The following USP32 variants were observed in gnomAD, a reference collection of about 807,000 sequenced individuals.
The protein encoded by USP32 is ubiquitin specific peptidase 32.
Under a neutral mutation model 204.8 loss-of-function variants are expected in USP32, and 59 were observed. The observed-to-expected ratio is 0.29, with a 90% CI of 0.23 to 0.36. The LOEUF is 0.36. Among genes scored for constraint, USP32 ranks in the 10% least tolerant of loss-of-function variants. The probability of loss-of-function intolerance (pLI) is 1.00; values close to 1 mark genes in which losing one functional copy is unlikely to be tolerated. For missense variants in USP32, 1,160 were observed against 1,946.4 expected (o/e 0.60, Z 7.60); for synonymous variants, 517 against 678.4 (o/e 0.76, Z 3.70).
At chr17:60,403,394 A>G (rs1344058001) in intron 1 of USP32, among the ~76,000 whole-genome samples, 1 of 152,190 alleles carries the variant, frequency 6.6e-6, no homozygotes, top group Non-Finnish European at 1.5e-5. Flanking sequence ...GTAGCCACAA[A>G]GTTCTGCCCA....
chr17:60,371,224 C>A (rs2146086796), intron 1 of USP32, among the ~76,000 whole-genome samples: 2 of 129,190 alleles, frequency 1.5e-5, no homozygotes, highest in African/African-American at 3.0e-5. Flanking sequence ...TCAGCCTGAG[C>A]AACAGGGGAA....
intron 17 of USP32, among the ~76,000 whole-genome samples, chr17:60,213,933 GTTTTGTT>G (rs1168178127): frequency 6.6e-6 from 1 of 150,646 alleles, no homozygotes; most frequent in Non-Finnish European, 1.5e-5. Flanking sequence ...ACATGAATAC[GTTTTGTT>G]TTTTGTTTTT....
intron 2 of USP32, among the ~76,000 whole-genome samples, chr17:60,324,209 G>A (rs1281441377): frequency 6.6e-6 from 1 of 151,860 alleles, no homozygotes; most frequent in Non-Finnish European, 1.5e-5. Context: ...TTGAACCCAG[G>A]AGTTCGAGGT....
At chr17:60,200,057 G>A (rs1249008386) in intron 26 of USP32, among the ~76,000 whole-genome samples, 1 of 152,086 alleles carries the variant, frequency 6.6e-6, no homozygotes, top group Non-Finnish European at 1.5e-5. Context: ...ATCTGGGCAT[G>A]GTGGCAGGCA....
At chr17:60,197,540 G>A (rs894556973) in intron 27 of USP32, among the ~76,000 whole-genome samples, 3 of 152,210 alleles carry the variant, frequency 2.0e-5, no homozygotes, top group African/African-American at 7.2e-5. Flanking sequence ...GGAGGTGGAG[G>A]CTGCAGTAAG....
At chr17:60,208,379 GTGAAATCAGTATTTTTTTGGTGTTCATC>G (rs757735118) in intron 23 of USP32, among the ~76,000 whole-genome samples, 169 bp from the exon 24 acceptor site, 50 of 152,106 alleles carry the variant, frequency 3.3e-4, no homozygotes, top group Non-Finnish European at 3.7e-4. Context: ...ATAATATTAA[GTGAAATCAGTATTTTTTTGGTGTTCATC>G]TGACATAAAA....
chr17:60,277,497 A>G (rs993047912), intron 5 of USP32, among the ~76,000 whole-genome samples: 1 of 152,226 alleles, frequency 6.6e-6, no homozygotes, highest in African/African-American at 2.4e-5. Flanking sequence ...TAGGCAGTTC[A>G]TGGTCTAAGA....
intron 1 of USP32, among the ~76,000 whole-genome samples, chr17:60,370,723 C>CT (rs1408946425): frequency 6.9e-6 from 1 of 144,532 alleles, no homozygotes; most frequent in Non-Finnish European, 1.5e-5. Flanking sequence ...GATCACACCA[C>CT]TATACTCCAG....
intron 1 of USP32, among the ~76,000 whole-genome samples, chr17:60,386,096 C>T (rs542869802): frequency 3.3e-5 from 5 of 152,044 alleles, no homozygotes; most frequent in African/African-American, 1.2e-4. Context: ...CTAGTTTTTA[C>T]CAGGCTTTTG....
intron 16 of USP32, among the ~76,000 whole-genome samples, chr17:60,218,430 GA>G (rs2085160750): frequency 6.6e-6 from 1 of 152,028 alleles, no homozygotes; most frequent in African/African-American, 2.4e-5. Flanking sequence ...TATATTAAAT[GA>G]ATATAACCTT....
At chr17:60,288,113 CAAAAAAAAAAAAA>C (rs1045323566) in intron 5 of USP32, among the ~76,000 whole-genome samples, 54 of 29,454 alleles carry the variant, frequency 1.8e-3, no homozygotes, top group African/African-American at 3.4e-3. Context: ...GACTTCGTCT[CAAAAAAAAAAAAA>C]AAAAAAAAAA....
At chr17:60,374,154 A>C (rs1273655886) in intron 1 of USP32, among the ~76,000 whole-genome samples, 1 of 151,990 alleles carries the variant, frequency 6.6e-6, no homozygotes, top group Non-Finnish European at 1.5e-5. Context: ...ACTGCACTCT[A>C]GCCTCAGGGA....
chr17:60,190,594 A>G lies in USP32; in HGVS notation c.3611T>C (p.Leu1204Pro). 6.3e-7 allele frequency: 1 copy of G among 1,595,828 alleles called. No homozygotes were observed. Among genetic ancestry groups the G allele is most frequent in the Non-Finnish European group, 8.5e-7 (1 of 1,174,832 alleles). The change falls in exon 29 of 34, where the codon CTT (leucine) becomes CCT (proline). Residue 1204 changes from leucine to proline, a missense_variant. Physicochemically the swap from Leu to Pro is moderately conservative, Grantham distance 98 (BLOSUM62 -3). Transcript: ENST00000300896. ...YIAVDWDPTA[L>P]HLRYQTSQER... ...CTGGGATGTTTGATAGCGAAGGTGAAGGGCTGTGGGATCCCAATCCACAGC... is the reference window on the plus strand; with the variant it reads ...CTGGGATGTTTGATAGCGAAGGTGAGGGGCTGTGGGATCCCAATCCACAGC...
intron 16 of USP32, among the ~76,000 whole-genome samples, chr17:60,218,876 G>A (rs1051640369): frequency 2.6e-5 from 4 of 152,216 alleles, no homozygotes; most frequent in Admixed American, 6.5e-5. Context: ...TTACAGGCAT[G>A]AGCCACTGTG....
chr17:60,242,319 T>G (rs933317409), intron 11 of USP32, among the ~76,000 whole-genome samples: 2 of 152,218 alleles, frequency 1.3e-5, no homozygotes, highest in Admixed American at 1.3e-4. Context: ...TTTTTCTTTT[T>G]AAAGTCAGTC....
In USP32 at chr17:60,272,290, A is replaced by G. The variant is rs902184177; in HGVS notation, c.572-809T>C. Among the ~76,000 whole-genome samples the G allele has an allele frequency of 3.3e-5, 5 of 152,228 alleles. No homozygotes were observed. The South Asian group carries it at 8.3e-4, about 25-fold the overall frequency. ...ATAAATGAAAAAAGTCAGCACTGAC[A>G]GAGAAGATGGAGTAGGAGTCCCTAT... On this transcript the variant is annotated intron_variant, in intron 5 of 33. Transcript: ENST00000300896.
At chr17:60,410,399 T>C (rs1179946387) in intron 1 of USP32, among the ~76,000 whole-genome samples, 2 of 152,218 alleles carry the variant, frequency 1.3e-5, no homozygotes, top group African/African-American at 4.8e-5. Context: ...GTGGGCGCGG[T>C]GGCTCATGCC....
chr17:60,357,484 G>A (rs753284054), intron 1 of USP32, among the ~76,000 whole-genome samples: 4 of 151,780 alleles, frequency 2.6e-5, no homozygotes, highest in Non-Finnish European at 5.9e-5. Context: ...TATATGATAT[G>A]TAGACCAAGC....
chr17:60,183,023 C>T, intron 31 of USP32, 142 bp downstream of exon 31: 1 of 1,203,528 alleles, frequency 8.3e-7, no homozygotes, highest in Non-Finnish European at 1.1e-6. Context: ...CTAAAACTTA[C>T]ATAGCTCAAA....
Sources: allele counts gnomAD v4.1 joint callset (sites outside exome capture counted in the v4.1 genomes callset), GRCh38; gene constraint gnomAD v4.1.1; transcripts MANE v1.5; gene names NCBI Gene and HGNC (gene_info 2026-07-23, HGNC 2026-07-21).